Variants in FZD3 observed in about 807,000 individuals in gnomAD.
FZD3 encodes frizzled class receptor 3.
A neutral mutation model predicts 60.7 loss-of-function variants in FZD3; 30 were observed. The ratio of observed to expected loss-of-function variants is 0.49; its 90% CI spans 0.37 to 0.67. The LOEUF (loss-of-function observed/expected upper bound fraction) is 0.67. FZD3 is among the 30% of genes least tolerant of loss of function. The probability of loss-of-function intolerance (pLI) is 0.00; values close to 1 mark genes in which losing one functional copy is unlikely to be tolerated. For synonymous variants in FZD3, 246 were observed against 275.2 expected (o/e 0.89, Z 1.05); for missense variants, 605 against 838.7 (o/e 0.72, Z 3.44).
chr8:28,534,926 TAAG>T (rs1029421883), intron 5 of FZD3, among the ~76,000 whole-genome samples: 13 of 152,310 alleles, frequency 8.5e-5, no homozygotes, highest in East Asian at 5.8e-4. Context: ...TAATTCCTAA[TAAG>T]AAGTTTTTTA....
At chr8:28,508,563 C>T (rs1273232867) in intron 3 of FZD3, among the ~76,000 whole-genome samples, 3 of 151,670 alleles carry the variant, frequency 2.0e-5, no homozygotes, top group Admixed American at 6.6e-5. Flanking sequence ...TGTAGTGGCA[C>T]GATCACAGCT....
At chr8:28,501,626 CTT>C (rs896280559) in intron 2 of FZD3, among the ~76,000 whole-genome samples, 1 of 152,156 alleles carries the variant, frequency 6.6e-6, no homozygotes, top group African/African-American at 2.4e-5. Flanking sequence ...TTAGAATATA[CTT>C]TTTTCATACC....
chr8:28,542,978 A>G (rs760068464), intron 5 of FZD3, among the ~76,000 whole-genome samples: 3 of 152,208 alleles, frequency 2.0e-5, no homozygotes, highest in Non-Finnish European at 4.4e-5. Flanking sequence ...TGAGTAGGAT[A>G]GGATGTATCT....
chr8:28,543,671 G>A (rs1031927173), intron 5 of FZD3, among the ~76,000 whole-genome samples: 4 of 151,480 alleles, frequency 2.6e-5, no homozygotes, highest in East Asian at 1.9e-4. Flanking sequence ...ATGAGTCACC[G>A]TGCCTGGCCC....
chr8:28,554,909 A>G (rs535091204), intron 6 of FZD3, among the ~76,000 whole-genome samples: 1 of 152,112 alleles, frequency 6.6e-6, no homozygotes, highest in Non-Finnish European at 1.5e-5. Context: ...TAACTTTATG[A>G]GTTTTCATAG....
At chr8:28,507,009 A>G (rs1804158699) in intron 3 of FZD3, among the ~76,000 whole-genome samples, 1 of 152,186 alleles carries the variant, frequency 6.6e-6, no homozygotes, top group African/African-American at 2.4e-5. Flanking sequence ...CAAATTTCGT[A>G]TATCAAAATT....
chr8:28,547,025 T>G (rs551668629), intron 5 of FZD3, among the ~76,000 whole-genome samples: 1 of 152,198 alleles, frequency 6.6e-6, no homozygotes, highest in Non-Finnish European at 1.5e-5. Flanking sequence ...CGAAAGTATA[T>G]GGGAAAAGTC....
rs1805851742 is a variant in FZD3 at position 28,574,021 on chromosome 8, T to C, written c.*11010T>C. The C allele has an allele frequency of 1.3e-5, 2 of 152,164 alleles. No homozygotes were observed. The highest frequency in any genetic ancestry group is 1.3e-4 in the Admixed American group (2 of 15,270). 9.4% of individuals were successfully genotyped at this position (152,164 alleles called of 1,614,324 possible). On this transcript the variant is annotated 3_prime_UTR_variant, in exon 8 of 8. Transcript: ENST00000240093. ...TTCCAAATGAGTGGAAAAGTTGCTG[T>C]TGTTGGGATGTACAGGGCAAGTGCA...
rs145794953 is a variant in FZD3, at chr8:28,557,306, GT to G, written c.1787+1344del. On this transcript the variant is annotated intron_variant, in intron 7 of 7. Coordinates refer to ENST00000240093, the MANE Select transcript of FZD3 (RefSeq NM_017412.4). Reference sequence around the variant, plus strand: ...GAATGTGCTAAATATTTTTTGGGGTGTTTTTTTTTAAGATTTCTTTTGGGAA... The same window carrying G: ...GAATGTGCTAAATATTTTTTGGGGTGTTTTTTTTAAGATTTCTTTTGGGAA... Among the ~76,000 whole-genome samples the G allele has an allele frequency of 4.0e-5, 6 of 150,608 alleles. No homozygotes were observed. The East Asian group carries it at 5.8e-4, about 15-fold the overall frequency.
chr8:28,571,090 A>T lies in FZD3; in HGVS notation c.*8079A>T, dbSNP rs985755653. The T allele has an allele frequency of 6.6e-6, 1 of 151,588 alleles. No homozygotes were observed. Among genetic ancestry groups the T allele is most frequent in the African/African-American group, 2.4e-5 (1 of 41,354 alleles). 9.4% of individuals were successfully genotyped at this position (151,588 alleles called of 1,614,324 possible). On this transcript the variant is annotated 3_prime_UTR_variant, in exon 8 of 8. Coordinates refer to ENST00000240093, the MANE Select transcript of FZD3 (RefSeq NM_017412.4). ...TCTGCCTCTGCAAGTCTTTGTGATC[A>T]CATTTGTTAAATTGAATCTGAGATT...
intron 2 of FZD3, among the ~76,000 whole-genome samples, chr8:28,501,535 A>G (rs1259648515): frequency 1.3e-5 from 2 of 152,226 alleles, no homozygotes; most frequent in African/African-American, 2.4e-5. Context: ...CAACAAACAT[A>G]AGACTATCCA....
At chr8:28,544,407 T>C (rs537949688) in intron 5 of FZD3, among the ~76,000 whole-genome samples, 57 of 152,276 alleles carry the variant, frequency 3.7e-4, no homozygotes, top group African/African-American at 1.3e-3. Context: ...TGATCATTGA[T>C]TTATTTATAT....
At chr8:28,543,412 A>T (rs2130437202) in intron 5 of FZD3, among the ~76,000 whole-genome samples, 1 of 150,842 alleles carries the variant, frequency 6.6e-6, no homozygotes, top group African/African-American at 2.4e-5. Context: ...ATGGAGTGTC[A>T]CTCTGTCACC....
Position 28,551,646 on chromosome 8 carries a change from A to G in FZD3, c.1448A>G (p.Lys483Arg). The change falls in exon 6 of 8, where the codon AAA becomes AGA. Residue 483 changes from lysine (K) to arginine (R), a missense_variant. Transcript: ENST00000240093. ...CCAGACTTGATTCTCTTTCTGATGA[A>G]ATACCTGATGGCTCTCATAGTTGGC... The part of the protein sequence containing the change: ...SRPDLILFLM[K>R]YLMALIVGIP... The G allele has an allele frequency of 6.2e-7, 1 of 1,611,116 alleles. No homozygotes were observed. Among genetic ancestry groups the G allele is most frequent in the Admixed American group, 1.7e-5 (1 of 59,962 alleles).
At chr8:28,533,778 T>C (rs1176519164) in intron 5 of FZD3, among the ~76,000 whole-genome samples, 1 of 152,174 alleles carries the variant, frequency 6.6e-6, no homozygotes, top group Non-Finnish European at 1.5e-5. Context: ...ACGTGTATTT[T>C]TTTTTCTAGG....
intron 5 of FZD3, among the ~76,000 whole-genome samples, chr8:28,533,524 G>A (rs1211721837): frequency 2.0e-5 from 3 of 152,056 alleles, no homozygotes; most frequent in Admixed American, 1.3e-4. Flanking sequence ...TATTAACCAG[G>A]TTGGTCATTC....
chr8:28,504,117 A>G (rs1804073760), intron 3 of FZD3, among the ~76,000 whole-genome samples: 1 of 152,228 alleles, frequency 6.6e-6, no homozygotes, highest in Non-Finnish European at 1.5e-5. Context: ...TTCATTTTAT[A>G]ATAAAACCGA....
chr8:28,546,714 G>A (rs572249022), intron 5 of FZD3, among the ~76,000 whole-genome samples: 17 of 152,106 alleles, frequency 1.1e-4, no homozygotes, highest in East Asian at 3.9e-4. Flanking sequence ...AGTGGCTCAC[G>A]CCTGTAATCC....
intron 7 of FZD3, among the ~76,000 whole-genome samples, chr8:28,562,012 C>T (rs77665180): frequency 6.6e-6 from 1 of 152,144 alleles, no homozygotes; most frequent in Non-Finnish European, 1.5e-5. Flanking sequence ...TGCTGCTTTT[C>T]AAGATAAGTG....
Sources: allele counts gnomAD v4.1 joint callset (sites outside exome capture counted in the v4.1 genomes callset), GRCh38; gene constraint gnomAD v4.1.1; transcripts MANE v1.5; gene names NCBI Gene and HGNC (gene_info 2026-07-23, HGNC 2026-07-21).